PLCXD2: variants seen among roughly 807,000 people sequenced by gnomAD.
PLCXD2 encodes phosphatidylinositol specific phospholipase C X domain containing 2, also known as PI-PLC X domain-containing protein 2.
A neutral mutation model predicts 28.6 loss-of-function variants in PLCXD2; 21 were observed. The ratio of observed to expected loss-of-function variants is 0.73; its 90% CI spans 0.52 to 1.06. The LOEUF (loss-of-function observed/expected upper bound fraction) is 1.06. Ranked by LOEUF, PLCXD2 falls within the 50% of genes least tolerant of loss-of-function variation. The pLI is 0.00. For missense variants in PLCXD2, 369 were observed against 376.7 expected (o/e 0.98, Z 0.17); for synonymous variants, 140 against 150.1 (o/e 0.93, Z 0.49).
chr3:111,690,465 C>A (rs911910568), intron 1 of PLCXD2, among the ~76,000 whole-genome samples: 1 of 152,102 alleles, frequency 6.6e-6, no homozygotes, highest in Non-Finnish European at 1.5e-5. Context: ...TAGTAATCAC[C>A]CAGCAAGGCT....
intron 2 of PLCXD2, among the ~76,000 whole-genome samples, chr3:111,709,188 A>T (rs1941165403): frequency 6.6e-6 from 1 of 152,128 alleles, no homozygotes; most frequent in Admixed American, 6.6e-5. Context: ...GATATTTTTT[A>T]ACTCAAGGAG....
At chr3:111,708,747 A>T (rs959442782) in intron 2 of PLCXD2, among the ~76,000 whole-genome samples, 1 of 152,200 alleles carries the variant, frequency 6.6e-6, no homozygotes, top group Admixed American at 6.5e-5. Context: ...AGTCTGTTCC[A>T]TCTTGCCTTC....
intron 1 of PLCXD2, among the ~76,000 whole-genome samples, chr3:111,700,333 A>G (rs1351719150): frequency 1.3e-5 from 2 of 152,252 alleles, no homozygotes; most frequent in Non-Finnish European, 2.9e-5. Context: ...AAACAGGGGT[A>G]GTAATTGTGA....
At chr3:111,683,423 G>A (rs1389546124) in intron 1 of PLCXD2, among the ~76,000 whole-genome samples, 1 of 152,160 alleles carries the variant, frequency 6.6e-6, no homozygotes. Flanking sequence ...TCATCCTGAT[G>A]GCAAAAAGCA....
In PLCXD2 at chr3:111,714,026, C is replaced by T. The variant is rs756860341; in HGVS notation, c.764C>T (p.Ala255Val). ...TTGGAGACCACTCTGAGTGAGCGGG[C>T]CTCACGGGGCTCCTTCCATGTCTCC... Residue 255 changes from alanine to valine, a missense_variant, in exon 3 of 5, where the codon GCC becomes GTC. By Grantham distance (64) the Ala-to-Val change is moderately conservative. Coordinates refer to ENST00000477665, the MANE Select transcript of PLCXD2 (RefSeq NM_001185106.1). The T allele has an allele frequency of 2.5e-6, 4 of 1,614,180 alleles. No homozygotes were observed. Among genetic ancestry groups the T allele is most frequent in the Non-Finnish European group, 3.4e-6 (4 of 1,180,038 alleles).
At position 111,698,357 on chromosome 3, in the gene PLCXD2, C is replaced by CA. The variant is rs1369972563; in HGVS notation, c.164-9568dup. Among the ~76,000 whole-genome samples, 3 of 152,200 alleles carry CA rather than the reference C, an allele frequency of 2.0e-5. 1 individual carries two copies. The South Asian group carries it at 6.2e-4, about 32-fold the overall frequency. On this transcript the variant is annotated intron_variant, in intron 1 of 4. Transcript: ENST00000477665. The stretch of plus-strand genomic sequence containing the variant: ...GGCAGTAGAGCCAGGATTATGAACT[C>CA]AGGCAGCCTGACAACAGACTCTGTG...
chr3:111,699,726 C>T (rs889999953), intron 1 of PLCXD2, among the ~76,000 whole-genome samples: 1 of 152,158 alleles, frequency 6.6e-6, no homozygotes, highest in South Asian at 2.1e-4. Context: ...TGTAACCTAG[C>T]GCACATCCCA....
At chr3:111,687,574 C>T (rs1940812614) in intron 1 of PLCXD2, among the ~76,000 whole-genome samples, 1 of 152,020 alleles carries the variant, frequency 6.6e-6, no homozygotes, top group African/African-American at 2.4e-5. Context: ...GATTAAATAC[C>T]TGAATTGGAA....
rs775421142 is a variant in PLCXD2, at chr3:111,713,914, T to TACA, written c.654_656dup (p.Tyr218_Lys219insAsn). 69 of 1,613,924 alleles carry TACA rather than the reference T, an allele frequency of 4.3e-5. 1 individual carries two copies. The South Asian group carries it at 6.8e-4, about 16-fold the overall frequency. On this transcript the variant is annotated inframe_insertion, in exon 3 of 5. Coordinates refer to ENST00000477665, the MANE Select transcript of PLCXD2 (RefSeq NM_001185106.1). ...TCTTATTTTCTACCACTGTCCCTTC[T>TACA]ACAAGCAGTACCCCTTCCTGTGGCC... is the stretch of plus-strand genomic sequence containing the variant.
chr3:111,724,974 C>CT (rs1315459489), intron 3 of PLCXD2: 1 of 152,174 alleles, frequency 6.6e-6, no homozygotes, highest in African/African-American at 2.4e-5. Context: ...GATTAAATGC[C>CT]TTATACTCAG....
At chr3:111,725,702 C>T (rs1384093839) in intron 3 of PLCXD2, 1 of 398,416 alleles carries the variant, frequency 2.5e-6, no homozygotes, top group African/African-American at 2.1e-5. Context: ...TCCAGCAAAA[C>T]TTTTAGGACT....
chr3:111,725,940 A>G, intron 3 of PLCXD2: 2 of 398,454 alleles, frequency 5.0e-6, no homozygotes, highest in Non-Finnish European at 8.9e-6. Flanking sequence ...CAAAGCTTAC[A>G]GTGATAGGCA....
Position 111,683,178 on chromosome 3 carries a change from T to C in PLCXD2, c.163+7770T>C, listed in dbSNP as rs139856994. Among the ~76,000 whole-genome samples the C allele has an allele frequency of 1.6e-3, 242 of 152,254 alleles. 2 individuals carry two copies. The highest frequency in any genetic ancestry group is 5.5e-3 in the African/African-American group (227 of 41,538). The stretch of plus-strand genomic sequence containing the variant: ...GGTAGTAGGAGGAAAGCTTGGTAGG[T>C]TGGACTTCCAAGAGCACCCTTGGGT... On this transcript the variant is annotated intron_variant, in intron 1 of 4. Transcript: ENST00000477665.
At chr3:111,709,911 C>T (rs887204170) in intron 2 of PLCXD2, among the ~76,000 whole-genome samples, 3 of 152,076 alleles carry the variant, frequency 2.0e-5, no homozygotes, top group Admixed American at 6.6e-5. Flanking sequence ...AAGATCTCTC[C>T]GGTTGCAATA....
chr3:111,703,813 G>T (rs986759293), intron 1 of PLCXD2, among the ~76,000 whole-genome samples: 3 of 152,046 alleles, frequency 2.0e-5, no homozygotes, highest in African/African-American at 7.2e-5. Flanking sequence ...AAATCCAGGG[G>T]GACTTGTTCC....
At chr3:111,690,601 C>G (rs190339650) in intron 1 of PLCXD2, among the ~76,000 whole-genome samples, 2 of 152,326 alleles carry the variant, frequency 1.3e-5, no homozygotes, top group Admixed American at 6.5e-5. Flanking sequence ...TTTTCATTCA[C>G]TTTCCCCGTT....
chr3:111,712,683 T>G (rs908123210), intron 2 of PLCXD2, among the ~76,000 whole-genome samples: 5 of 152,184 alleles, frequency 3.3e-5, no homozygotes, highest in African/African-American at 1.2e-4. Flanking sequence ...GAAATGAGGC[T>G]GACATCCAGA....
chr3:111,707,033 T>A (rs531532136), intron 1 of PLCXD2, among the ~76,000 whole-genome samples: 54 of 152,138 alleles, frequency 3.5e-4, no homozygotes, highest in African/African-American at 1.3e-3. Context: ...AGAAAGAAAA[T>A]CAACAAAGAA....
intron 1 of PLCXD2, among the ~76,000 whole-genome samples, chr3:111,685,920 C>T (rs960203046): frequency 3.3e-5 from 5 of 152,182 alleles, no homozygotes; most frequent in African/African-American, 9.7e-5. Context: ...AATGCTCCCC[C>T]CCACAACATG....
Sources: gnomAD v4.1 joint callset for allele counts (sites outside exome capture counted in the v4.1 genomes callset) on GRCh38, gnomAD v4.1.1 for gene constraint, MANE v1.5 for transcripts, NCBI Gene and HGNC (gene_info 2026-07-23, HGNC 2026-07-21) for gene names.